The following ATP8A1 variants were observed in gnomAD, a reference collection of about 807,000 sequenced individuals.
The protein encoded by ATP8A1 is ATPase phospholipid transporting 8A1, also known as phospholipid-transporting ATPase IA.
In ATP8A1, 90 loss-of-function variants were observed where a neutral mutation model predicts 177.7. The observed-to-expected ratio is 0.51, with a 90% CI of 0.43 to 0.60. The LOEUF is 0.60. ATP8A1 is among the 20% of genes least tolerant of loss of function. The pLI is 0.00. For synonymous variants in ATP8A1, 493 were observed against 485.9 expected, an observed-to-expected ratio of 1.01 and a Z score of -0.19; for missense variants, 1,072 against 1,392.8, an observed-to-expected ratio of 0.77 and a Z score of 3.67.
At chr4:42,521,853 C>T (rs1312618192) in intron 22 of ATP8A1, among the ~76,000 whole-genome samples, 2 of 152,072 alleles carry the variant, frequency 1.3e-5, no homozygotes, top group Non-Finnish European at 2.9e-5. Context: ...TGTGTAGGGG[C>T]ATGTTCCATA....
At chr4:42,514,872 T>C (rs890442617) in intron 22 of ATP8A1, among the ~76,000 whole-genome samples, 6 of 152,180 alleles carry the variant, frequency 3.9e-5, no homozygotes, top group Admixed American at 2.0e-4. Context: ...TTAATAAGGA[T>C]GTTCTGCAGA....
chr4:42,640,814 TC>T (rs1739898966), intron 1 of ATP8A1, among the ~76,000 whole-genome samples: 1 of 151,944 alleles, frequency 6.6e-6, no homozygotes, highest in Admixed American at 6.6e-5. Context: ...GGTGTCAGGG[TC>T]AACATGGAGC....
rs1337122296 is a variant in ATP8A1, at chr4:42,575,688, C to T, written c.1140G>A (p.Met380Ile). 1 of 1,613,032 alleles carries T rather than the reference C, an allele frequency of 6.2e-7. No homozygotes were observed. ...CAGCAGTGTCTGTGGGTTCATAGTG[C>T]ATGTCAAGATCCTTTAATAAAATTA... ...QAYFINWDLD[M>I]HYEPTDTAAM... Residue 380 changes from methionine (M) to isoleucine (I), a missense_variant, in exon 13 of 37, where the codon ATG becomes ATA. Met to Ile is a conservative substitution (Grantham distance 10, BLOSUM62 1). Around this residue, in one of 5 missense-constraint regions of ATP8A1, gnomAD observed 388 missense variants for 471.7 expected, o/e 0.82. Transcript: ENST00000381668.
rs187090757 is a variant in ATP8A1, at chr4:42,574,713, A to G, written c.1207-6T>C. ...TCAGAAAATATGTATTTAACCTAAA[A>G]AAGTTTAAAATTTCTCATTAATATT... On this transcript the variant is annotated splice_polypyrimidine_tract_variant and splice_region_variant and intron_variant, in intron 13 of 36. Transcript: ENST00000381668. The G allele has an allele frequency of 1.9e-6, 3 of 1,583,394 alleles. No homozygotes were observed. In the Admixed American group the frequency reaches 5.6e-5, roughly 30 times the overall value.
Position 42,530,806 on chromosome 4 carries a change from C to G in ATP8A1, c.1723-5959G>C, listed in dbSNP as rs554548064. On this transcript the variant is annotated intron_variant, in intron 20 of 36. Transcript: ENST00000381668. The stretch of plus-strand genomic sequence containing the variant: ...ATCCAATATATGGTACTGTTTCTCC[C>G]ATAGCCAGGATTCAGGGGTCCAGGA... 1.1e-3 allele frequency among the ~76,000 whole-genome samples: 168 copies of G among 152,286 alleles called. 1 individual carries two copies. Among genetic ancestry groups the G allele is most frequent in the African/African-American group, 3.9e-3 (163 of 41,556 alleles).
intron 24 of ATP8A1, among the ~76,000 whole-genome samples, chr4:42,502,937 A>G (rs1724000478): frequency 6.6e-6 from 1 of 152,222 alleles, no homozygotes; most frequent in Admixed American, 6.5e-5. Context: ...TCATTTCCCA[A>G]ATAAAACATC....
chr4:42,531,181 C>CT (rs1336291576), intron 20 of ATP8A1, among the ~76,000 whole-genome samples: 2 of 151,960 alleles, frequency 1.3e-5, no homozygotes, highest in Non-Finnish European at 2.9e-5. Flanking sequence ...TAGGGCGACT[C>CT]TTAGTATTAC....
At chr4:42,546,036 C>T (rs1258113824) in intron 19 of ATP8A1, among the ~76,000 whole-genome samples, 2 of 152,114 alleles carry the variant, frequency 1.3e-5, no homozygotes, top group African/African-American at 4.8e-5. Context: ...TCTATGTGTG[C>T]ACCATCTCCT....
intron 14 of ATP8A1, among the ~76,000 whole-genome samples, chr4:42,573,293 T>A (rs566878172): frequency 1.3e-5 from 2 of 152,206 alleles, no homozygotes; most frequent in East Asian, 3.9e-4. Context: ...TGTAAAAAAA[T>A]CATCATAAAT....
chr4:42,426,088 AT>A (rs1457768722), intron 33 of ATP8A1, among the ~76,000 whole-genome samples: 1 of 152,226 alleles, frequency 6.6e-6, no homozygotes, highest in Non-Finnish European at 1.5e-5. Context: ...TGAAATTTCT[AT>A]GTGAACTTTC....
At chr4:42,656,538 C>A (rs1741643030) in intron 1 of ATP8A1, among the ~76,000 whole-genome samples, 2 of 151,958 alleles carry the variant, frequency 1.3e-5, no homozygotes, top group Non-Finnish European at 2.9e-5. Context: ...GGGAGGTGGG[C>A]AGGGCGAGTG....
In ATP8A1 at chr4:42,484,971, G is replaced by A. The variant is rs80064060; in HGVS notation, c.2324+525C>T. On this transcript the variant is annotated intron_variant, in intron 25 of 36. Coordinates refer to ENST00000381668, the MANE Select transcript of ATP8A1 (RefSeq NM_006095.2). ...ACTCAGGAAGGACTGGAGCTATGTC[G>A]TTTACAAAAATGCCTTTCTATGAAT... 8.5e-5 allele frequency among the ~76,000 whole-genome samples: 13 copies of A among 152,234 alleles called. No individual in the cohort carries two copies. The East Asian group carries it at 2.1e-3, about 25-fold the overall frequency.
rs576956705 is a variant in ATP8A1, at chr4:42,417,074, G to A, written c.3306-2356C>T. Among the ~76,000 whole-genome samples the A allele has an allele frequency of 2.0e-5, 3 of 152,184 alleles. No homozygotes were observed. The East Asian group carries it at 5.8e-4, about 29-fold the overall frequency. ...ATTTTGAACTTCTTGCTTTAGTCCT[G>A]TAGAGCAGAGTCCCTCCTTCAGAAT... On this transcript the variant is annotated intron_variant, in intron 35 of 36. Coordinates refer to ENST00000381668, the MANE Select transcript of ATP8A1 (RefSeq NM_006095.2).
intron 35 of ATP8A1, among the ~76,000 whole-genome samples, chr4:42,422,341 C>T (rs1269591499): frequency 3.3e-5 from 5 of 152,274 alleles, no homozygotes; most frequent in East Asian, 1.9e-4. Flanking sequence ...CTGCCCGCCT[C>T]GGCCTCCTAA....
In ATP8A1 at chr4:42,597,972, T is replaced by C. The variant is rs1032454342; in HGVS notation, c.450+2506A>G. Among the ~76,000 whole-genome samples, 13 of 152,266 alleles carry C rather than the reference T, an allele frequency of 8.5e-5. No individual in the cohort carries two copies. In the South Asian group the frequency reaches 2.7e-3, roughly 32 times the overall value. On this transcript the variant is annotated intron_variant, in intron 6 of 36. Coordinates refer to ENST00000381668, the MANE Select transcript of ATP8A1 (RefSeq NM_006095.2). The stretch of plus-strand genomic sequence containing the variant: ...ATATTTCTGGTTTACTGTCAAGTTT[T>C]CCTATTTATATAACAATGATCTTAA...
At chr4:42,426,634 C>T (rs1295391976) in intron 33 of ATP8A1, among the ~76,000 whole-genome samples, 1 of 152,224 alleles carries the variant, frequency 6.6e-6, no homozygotes, top group East Asian at 1.9e-4. Context: ...AACAAACTTT[C>T]TTCATTTCAA....
rs141769822 is a variant in ATP8A1 at position 42,507,143 on chromosome 4, T to G, written c.1959A>C (p.Leu653=). Residue 653 remains leucine (L), a synonymous_variant, in exon 23 of 37, where the codon CTA becomes CTC. Coordinates refer to ENST00000381668, the MANE Select transcript of ATP8A1 (RefSeq NM_006095.2). ...TATCCTCAATGGCTGTTGCTCCAAG[T>G]AGCTGAAGATTCTGAAAAAAATTAG... ...SYELIEKNLQ[L]LGATAIEDKL... 3.2e-5 allele frequency: 52 copies of G among 1,610,672 alleles called. No homozygotes were observed. The African/African-American group carries it at 3.3e-4, about 10-fold the overall frequency.
At chr4:42,542,837 C>T (rs1405303096) in intron 20 of ATP8A1, among the ~76,000 whole-genome samples, 1 of 152,122 alleles carries the variant, frequency 6.6e-6, no homozygotes, top group East Asian at 1.9e-4. Context: ...TCCCTTATCA[C>T]TGAATATTAC....
intron 1 of ATP8A1, among the ~76,000 whole-genome samples, chr4:42,638,771 A>T (rs1739639623): frequency 6.6e-6 from 1 of 152,114 alleles, no homozygotes; most frequent in South Asian, 2.1e-4. Flanking sequence ...CTGCACCAGA[A>T]ACGAGGGGTT....
Sources: allele counts gnomAD v4.1 joint callset (sites outside exome capture counted in the v4.1 genomes callset), GRCh38; gene constraint gnomAD v4.1.1; regional missense constraint gnomAD v4.1.1; transcripts MANE v1.5; gene names NCBI Gene and HGNC (gene_info 2026-07-23, HGNC 2026-07-21).